PCDHGB1: variants seen among roughly 807,000 people sequenced by gnomAD.
The protein encoded by PCDHGB1 is protocadherin gamma subfamily B, 1, also known as protocadherin gamma-B1.
PCDHGB1 carries 34 observed loss-of-function variants against 56.6 expected under a neutral mutation model. The ratio of observed to expected loss-of-function variants is 0.60; its 90% CI spans 0.46 to 0.80. The LOEUF is 0.80. PCDHGB1 is among the 30% of genes least tolerant of loss of function. PCDHGB1 has a pLI of 0.00. For synonymous variants in PCDHGB1, 561 were observed against 505.9 expected, an observed-to-expected ratio of 1.11 and a Z score of -1.46; for missense variants, 1,278 against 1,204.6, an observed-to-expected ratio of 1.06 and a Z score of -0.90.
At chr5:141,360,621 T>G (rs1374902225) in intron 1 of PCDHGB1, 2 of 1,613,908 alleles carry the variant, frequency 1.2e-6, no homozygotes, top group Non-Finnish European at 1.7e-6. Context: ...ATTCAGATGT[T>G]GGTCCTAACT....
intron 1 of PCDHGB1, chr5:141,357,443 C>A (rs1161118434): frequency 1.9e-6 from 3 of 1,614,104 alleles, no homozygotes; most frequent in Non-Finnish European, 2.5e-6. Flanking sequence ...GGGGTTCGGG[C>A]TTTCCTGCAG....
intron 1 of PCDHGB1, chr5:141,409,866 G>A (rs1268327848): frequency 3.7e-6 from 6 of 1,612,258 alleles, no homozygotes; most frequent in East Asian, 4.5e-5. Context: ...GTGGGAGACC[G>A]CAATGACAAC....
At chr5:141,398,829 C>A in intron 1 of PCDHGB1, 2 of 1,613,994 alleles carry the variant, frequency 1.2e-6, no homozygotes, top group East Asian at 2.2e-5. Flanking sequence ...AGGTAACCGA[C>A]GCCAATGATA....
intron 1 of PCDHGB1, chr5:141,373,979 C>A: frequency 9.0e-7 from 1 of 1,107,704 alleles, no homozygotes; most frequent in Non-Finnish European, 1.2e-6. Context: ...CGCATCCGGT[C>A]TCTGCTTGTT....
chr5:141,355,244 A>G lies in PCDHGB1; in HGVS notation c.2409+2575A>G, dbSNP rs200737190. 1.0e-4 allele frequency: 169 copies of G among 1,613,114 alleles called. No homozygotes were observed. The African/African-American group carries it at 2.1e-3, about 20-fold the overall frequency. ...CGCCCAGACCACACCCGGCTGCTCC[A>G]GATCTGCCTTCTCCTGGGGGTTCTG... is the stretch of plus-strand genomic sequence containing the variant. On this transcript the variant is annotated intron_variant, in intron 1 of 3. Coordinates refer to ENST00000523390, the MANE Select transcript of PCDHGB1 (RefSeq NM_018922.3).
chr5:141,369,516 T>C (rs1766308366), intron 1 of PCDHGB1, among the ~76,000 whole-genome samples: 1 of 151,978 alleles, frequency 6.6e-6, no homozygotes, highest in South Asian at 2.1e-4. Flanking sequence ...AAAAAAAAAG[T>C]TTTCAATCAT....
chr5:141,422,382 T>C (rs1390444026), intron 1 of PCDHGB1: 5 of 1,585,154 alleles, frequency 3.2e-6, no homozygotes, highest in Admixed American at 1.8e-5. Context: ...AAGTCTCCTG[T>C]TTTATTCCTA....
intron 1 of PCDHGB1, chr5:141,402,915 CAG>C: frequency 6.4e-7 from 1 of 1,564,688 alleles, no homozygotes; most frequent in Non-Finnish European, 8.7e-7. Flanking sequence ...GCAGCGCGCA[CAG>C]AGATCCTTTT....
At chr5:141,356,094 T>C (rs1196881298) in intron 1 of PCDHGB1, 1 of 1,613,784 alleles carries the variant, frequency 6.2e-7, no homozygotes, top group South Asian at 1.1e-5. Flanking sequence ...ATTCTCTGAG[T>C]GGGGATATAA....
chr5:141,419,192 G>A (rs772847766), intron 1 of PCDHGB1: 65 of 1,613,816 alleles, frequency 4.0e-5, no homozygotes, highest in Middle Eastern at 1.6e-4. Context: ...CATTACTGAC[G>A]TCAATGACAA....
At chr5:141,484,750 GTA>G (rs545232987) in intron 1 of PCDHGB1, among the ~76,000 whole-genome samples, 18 of 149,824 alleles carry the variant, frequency 1.2e-4, no homozygotes, top group Admixed American at 4.7e-4. Flanking sequence ...GAAAAAAAAT[GTA>G]TATATATATA....
rs755429700 is a variant in PCDHGB1, at chr5:141,375,609, C to G, written c.2409+22940C>G. ...CTGTCCTCCTACGTGTCCATCAACT[C>G]CGACACTGGGATTCTGTACGCCCTG... On this transcript the variant is annotated intron_variant, in intron 1 of 3. Coordinates refer to ENST00000523390, the MANE Select transcript of PCDHGB1 (RefSeq NM_018922.3). 9.9e-6 allele frequency: 16 copies of G among 1,614,108 alleles called. No homozygotes were observed. The African/African-American group carries it at 2.1e-4, about 22-fold the overall frequency.
At chr5:141,389,829 C>T in intron 1 of PCDHGB1, 3 of 1,613,980 alleles carry the variant, frequency 1.9e-6, no homozygotes, top group Non-Finnish European at 2.5e-6. Context: ...TGACGGTGGA[C>T]AGCCACCACT....
chr5:141,368,406 T>A (rs1160875072), intron 1 of PCDHGB1, among the ~76,000 whole-genome samples: 2 of 151,988 alleles, frequency 1.3e-5, no homozygotes, highest in Non-Finnish European at 2.9e-5. Context: ...CACACATACA[T>A]ACACACATGG....
intron 2 of PCDHGB1, among the ~76,000 whole-genome samples, chr5:141,503,598 C>CAA (rs765754054): frequency 1.5e-4 from 10 of 65,698 alleles, no homozygotes; most frequent in African/African-American, 2.3e-4. Context: ...GACTCCAGCT[C>CAA]AAAAAAAAAA....
chr5:141,400,221 C>T (rs377228541), intron 1 of PCDHGB1: 36 of 1,614,060 alleles, frequency 2.2e-5, no homozygotes, highest in Admixed American at 6.7e-5. Flanking sequence ...TCTCAGTGCT[C>T]TTCCTCCTGG....
chr5:141,358,018 A>G (rs753079892), intron 1 of PCDHGB1, among the ~76,000 whole-genome samples: 4 of 152,092 alleles, frequency 2.6e-5, no homozygotes, highest in African/African-American at 4.8e-5. Context: ...GGTGAAACCC[A>G]GTCTCTACTA....
chr5:141,450,887 C>A (rs531604055), intron 1 of PCDHGB1, among the ~76,000 whole-genome samples: 1 of 148,582 alleles, frequency 6.7e-6, no homozygotes, highest in East Asian at 2.0e-4. Flanking sequence ...TGCAGTGGTG[C>A]GATATCGGCT....
In PCDHGB1 at chr5:141,487,906, AGCACAGGAGGCTACAGT is replaced by A. The variant is rs2099668744; in HGVS notation, c.2410-6893_2410-6877del. ...TGGAAGCATGATGATGGAATGTGGG[AGCACAGGAGGCTACAGT>A]GCACAGGGTACAGTGCACCAGGCAG... On this transcript the variant is annotated intron_variant, in intron 1 of 3. Coordinates refer to ENST00000523390, the MANE Select transcript of PCDHGB1 (RefSeq NM_018922.3). The surrounding 1 kb of genome is among the most constrained non-coding windows in gnomAD (Gnocchi z 5.0). The A allele has an allele frequency of 8.7e-6, 6 of 686,524 alleles. No homozygotes were observed. The East Asian group carries it at 1.6e-4, about 19-fold the overall frequency. The allele number at this position is 686,524 out of a possible 1,614,324, so 42.5% of individuals were successfully genotyped here.
Sources: allele counts gnomAD v4.1 joint callset (sites outside exome capture counted in the v4.1 genomes callset), GRCh38; gene constraint gnomAD v4.1.1; non-coding constraint Gnocchi (gnomAD v3.1); transcripts MANE v1.5; gene names NCBI Gene and HGNC (gene_info 2026-07-23, HGNC 2026-07-21).